GPR158: variants seen among roughly 807,000 people sequenced by gnomAD.
GPR158 encodes the protein metabotropic glycine receptor.
Under a neutral mutation model 78.2 loss-of-function variants are expected in GPR158, and 30 were observed. The observed-to-expected ratio is 0.38, with a 90% confidence interval of 0.29 to 0.52. The LOEUF (loss-of-function observed/expected upper bound fraction) is 0.52, where lower values mean the gene tolerates loss of function less well. Among genes scored for constraint, GPR158 ranks in the 20% least tolerant of loss-of-function variants. The pLI is 0.83. For synonymous variants in GPR158, 581 were observed against 591.1 expected (o/e 0.98, Z 0.25); for missense variants, 1,463 against 1,523.5 (o/e 0.96, Z 0.66).
chr10:25,591,962 C>G (rs1837346673), intron 8 of GPR158, among the ~76,000 whole-genome samples: 1 of 151,916 alleles, frequency 6.6e-6, no homozygotes, highest in South Asian at 2.1e-4. Context: ...TGTACAATGT[C>G]TTATTTACAT....
At chr10:25,509,868 T>C (rs981623191) in intron 5 of GPR158, among the ~76,000 whole-genome samples, 17 of 152,156 alleles carry the variant, frequency 1.1e-4, no homozygotes, top group Admixed American at 1.3e-4. Flanking sequence ...TGTGTGCCAC[T>C]GCACCTGGCT....
At chr10:25,273,652 T>C (rs1475156434) in intron 2 of GPR158, among the ~76,000 whole-genome samples, 2 of 152,028 alleles carry the variant, frequency 1.3e-5, no homozygotes, top group Non-Finnish European at 2.9e-5. Flanking sequence ...TATAACTTCT[T>C]TATGCATTGA....
intron 1 of GPR158, among the ~76,000 whole-genome samples, chr10:25,191,829 C>G (rs1427308443): frequency 6.6e-6 from 1 of 152,128 alleles, no homozygotes; most frequent in Non-Finnish European, 1.5e-5. Context: ...TGAGAAATCA[C>G]TTGGCTGTAT....
chr10:25,419,672 TG>T (rs1475299224), intron 4 of GPR158, among the ~76,000 whole-genome samples: 1 of 152,154 alleles, frequency 6.6e-6, no homozygotes, highest in Non-Finnish European at 1.5e-5. Flanking sequence ...TTGTTGTTGT[TG>T]TTGTTGTTGT....
intron 2 of GPR158, among the ~76,000 whole-genome samples, chr10:25,248,817 T>C (rs997475511): frequency 1.8e-4 from 27 of 151,524 alleles, no homozygotes; most frequent in African/African-American, 6.6e-4. Flanking sequence ...TGGTTCCATA[T>C]GAACTTTAAA....
intron 2 of GPR158, among the ~76,000 whole-genome samples, chr10:25,352,487 A>G (rs933722547): frequency 8.5e-5 from 13 of 152,172 alleles, no homozygotes; most frequent in African/African-American, 3.1e-4. Flanking sequence ...TCACATGCTT[A>G]TATTAATATT....
At chr10:25,224,931 A>G (rs1853353099) in intron 2 of GPR158, among the ~76,000 whole-genome samples, 1 of 152,134 alleles carries the variant, frequency 6.6e-6, no homozygotes, top group Non-Finnish European at 1.5e-5. Flanking sequence ...AGGACATTTT[A>G]TTTCCAAGTT....
At chr10:25,200,472 T>G (rs1852907151) in intron 1 of GPR158, among the ~76,000 whole-genome samples, 1 of 152,194 alleles carries the variant, frequency 6.6e-6, no homozygotes, top group South Asian at 2.1e-4. Flanking sequence ...GGGTGTCTGT[T>G]TGCTCTGTGG....
At chr10:25,343,693 A>G (rs1393664124) in intron 2 of GPR158, among the ~76,000 whole-genome samples, 3 of 152,030 alleles carry the variant, frequency 2.0e-5, no homozygotes, top group Non-Finnish European at 4.4e-5. Flanking sequence ...AATGAATCTC[A>G]GAACATGTGA....
chr10:25,587,589 T>C (rs1837284617), intron 7 of GPR158, among the ~76,000 whole-genome samples: 1 of 152,048 alleles, frequency 6.6e-6, no homozygotes, highest in Non-Finnish European at 1.5e-5. Context: ...TACATGAAAA[T>C]CTCAGAGTTA....
chr10:25,473,034 A>C (rs559188101), intron 5 of GPR158, among the ~76,000 whole-genome samples: 31 of 152,012 alleles, frequency 2.0e-4, no homozygotes, highest in African/African-American at 7.5e-4. Flanking sequence ...TCTTGTGCCA[A>C]TTTTCAAAGG....
chr10:25,506,377 C>A (rs1401936670), intron 5 of GPR158, among the ~76,000 whole-genome samples: 1 of 152,218 alleles, frequency 6.6e-6, no homozygotes, highest in Admixed American at 6.5e-5. Context: ...TTAGGCAGAT[C>A]TCTCAGGCTT....
chr10:25,252,655 G>T (rs917232665), intron 2 of GPR158, among the ~76,000 whole-genome samples: 1 of 152,130 alleles, frequency 6.6e-6, no homozygotes, highest in African/African-American at 2.4e-5. Flanking sequence ...CCCACTTGAA[G>T]AGGCAGTCTG....
intron 5 of GPR158, among the ~76,000 whole-genome samples, chr10:25,484,463 G>A (rs910014439): frequency 1.3e-5 from 2 of 152,200 alleles, no homozygotes; most frequent in Admixed American, 1.3e-4. Flanking sequence ...CAGTGGTGAT[G>A]TGAAGGCAGA....
chr10:25,451,328 C>T (rs988027837), intron 4 of GPR158, among the ~76,000 whole-genome samples: 2 of 152,162 alleles, frequency 1.3e-5, no homozygotes, highest in Admixed American at 1.3e-4. Context: ...CAGTGATTGA[C>T]AGTATCAGTC....
At chr10:25,308,325 C>T (rs1457605740) in intron 2 of GPR158, among the ~76,000 whole-genome samples, 1 of 152,076 alleles carries the variant, frequency 6.6e-6, no homozygotes, top group African/African-American at 2.4e-5. Context: ...CGACAGGCCC[C>T]AGTGTGTCTT....
Position 25,599,171 on chromosome 10 carries a change from C to A in GPR158, c.3545C>A (p.Pro1182Gln), listed in dbSNP as rs748987430. The change falls in exon 11 of 11, where the codon CCA becomes CAA. Residue 1182 changes from proline to glutamine, a missense_variant. Coordinates refer to ENST00000376351, the MANE Select transcript of GPR158 (RefSeq NM_020752.3). The stretch of plus-strand genomic sequence containing the variant: ...TGGGAGTTTGAGACCCCAGCTCAAC[C>A]AAATGCTGGAAGAAGTGTAGCTTTA... ...CPWEFETPAQ[P>Q]NAGRSVALPA... is the part of the protein sequence containing the mutation. 16 of 1,610,880 alleles carry A rather than the reference C, an allele frequency of 9.9e-6. No individual in the cohort carries two copies. The Admixed American group carries it at 2.5e-4, about 25-fold the overall frequency.
At chr10:25,545,893 C>T (rs1013685402) in intron 5 of GPR158, among the ~76,000 whole-genome samples, 8 of 152,132 alleles carry the variant, frequency 5.3e-5, no homozygotes, top group South Asian at 2.1e-4. Context: ...TCGTTGCCCT[C>T]GTGCGCCTTT....
intron 5 of GPR158, among the ~76,000 whole-genome samples, chr10:25,513,977 A>G (rs1370990440): frequency 1.3e-5 from 2 of 152,146 alleles, no homozygotes; most frequent in Non-Finnish European, 2.9e-5. Context: ...GTGCTGATGA[A>G]TAGAATGTAC....
Sources: allele counts gnomAD v4.1 joint callset (sites outside exome capture counted in the v4.1 genomes callset), GRCh38; gene constraint gnomAD v4.1.1; transcripts MANE v1.5; gene names NCBI Gene and HGNC (gene_info 2026-07-23, HGNC 2026-07-21).